The following NREP variants were observed in gnomAD, a reference collection of about 807,000 sequenced individuals.
NREP encodes the protein neuronal regeneration related protein.
Under a neutral mutation model 8.6 loss-of-function variants are expected in NREP, and 5 were observed. The observed-to-expected ratio is 0.58, with a 90% confidence interval of 0.30 to 1.22. NREP has a LOEUF of 1.22. Ranked by LOEUF, NREP falls within the 50% of genes most tolerant of loss-of-function variation. NREP has a pLI of 0.07. For synonymous variants in NREP, 27 were observed against 28.0 expected (o/e 0.96, Z 0.11); for missense variants, 86 against 82.5 (o/e 1.04, Z -0.17).
intron 2 of NREP, among the ~76,000 whole-genome samples, chr5:111,810,558 C>G (rs555551328): frequency 7.0e-4 from 107 of 152,300 alleles, no homozygotes; most frequent in African/African-American, 2.5e-3. Flanking sequence ...AAAAGCTTCA[C>G]ATAGATTCAT....
chr5:111,741,828 C>CAGAGACACACACACACACACAG (rs1554095254), intron 2 of NREP, among the ~76,000 whole-genome samples: 1 of 146,450 alleles, frequency 6.8e-6, no homozygotes, highest in Non-Finnish European at 1.5e-5. Context: ...CACACATACA[C>CAGAGACACACACACACACACAG]ACACACACAC....
In NREP at chr5:111,898,291, G is replaced by T. The variant is rs56822097; in HGVS notation, c.135+76983C>A. Reference sequence around the variant, plus strand: ...AGATAAAGATGAATTGGAGCAGGATGGTAATTCAGAGGTGGTAAAAAAATT... The same window carrying T: ...AGATAAAGATGAATTGGAGCAGGATTGTAATTCAGAGGTGGTAAAAAAATT... On this transcript the variant is annotated intron_variant, in intron 2 of 3. Transcript: ENST00000395634. Among the ~76,000 whole-genome samples, 1,252 of 152,152 alleles carry T rather than the reference G, an allele frequency of 8.2e-3. 11 individuals carry two copies. Among genetic ancestry groups the T allele is most frequent in the South Asian group, 0.026 (127 of 4,816 alleles).
At position 111,886,738 on chromosome 5, in the gene NREP, C is replaced by T. The variant is rs562655499; in HGVS notation, c.135+88536G>A. ...ATCGCAAGAACAAAAAACCAAACAC[C>T]GCATATTCTCACTCATAGGTGGGAA... On this transcript the variant is annotated intron_variant, in intron 2 of 3. Coordinates refer to the NREP transcript ENST00000395634. Among the ~76,000 whole-genome samples the T allele has an allele frequency of 7.3e-5, 11 of 150,710 alleles. No individual in the cohort carries two copies. In the East Asian group the frequency reaches 1.2e-3, roughly 16 times the overall value.
intron 2 of NREP, among the ~76,000 whole-genome samples, chr5:111,925,557 C>A (rs1201036722): frequency 1.3e-5 from 2 of 152,140 alleles, no homozygotes; most frequent in East Asian, 3.9e-4. Context: ...GGTCCTATTG[C>A]CTGTTTCTGT....
In NREP at chr5:111,730,094, T is replaced by C. The variant is rs1748415956; in HGVS notation, c.*827A>G. 6.6e-6 allele frequency: 1 copy of C among 152,430 alleles called. No individual in the cohort carries two copies. The highest frequency in any genetic ancestry group is 2.1e-4 in the South Asian group (1 of 4,804). The allele number at this position is 152,430 out of a possible 1,614,324, so 9.4% of individuals were successfully genotyped here. On this transcript the variant is annotated 3_prime_UTR_variant, in exon 4 of 4. Transcript: ENST00000257435. ...GAAAGGAAGAGATTTGGTAAGTAAA[T>C]TACAGTTTTGTGATTGCTCCCGCTA...
intron 2 of NREP, among the ~76,000 whole-genome samples, chr5:111,923,782 T>C (rs1339949286): frequency 1.3e-5 from 2 of 152,202 alleles, no homozygotes; most frequent in Non-Finnish European, 2.9e-5. Flanking sequence ...CTTTCTGACA[T>C]GTAAAGACTG....
intron 2 of NREP, among the ~76,000 whole-genome samples, chr5:111,963,060 G>A (rs866576918): frequency 6.6e-6 from 1 of 152,252 alleles, no homozygotes; most frequent in Non-Finnish European, 1.5e-5. Flanking sequence ...GTGGAGGGCA[G>A]CCGCCCTGCG....
Position 111,735,487 on chromosome 5 carries a change from A to G in NREP, c.24T>C (p.Phe8=), listed in dbSNP as rs1350638466. 18 of 1,612,736 alleles carry G rather than the reference A, an allele frequency of 1.1e-5. No homozygotes were observed. The highest frequency in any genetic ancestry group is 1.4e-5 in the Non-Finnish European group (16 of 1,179,008). Residue 8 remains phenylalanine, a synonymous_variant, in exon 3 of 4, where the codon TTT becomes TTC. Coordinates refer to ENST00000257435, the MANE Select transcript of NREP (RefSeq NM_004772.4). MVYYPEL[F]VWVSQEPFPN... ...GAAATGGTTCTTGACTGACCCAGAC[A>G]AAGAGTTCTGGGTAATAAACCTATA...
chr5:111,832,117 C>T (rs1752783282), intron 2 of NREP, among the ~76,000 whole-genome samples: 1 of 152,104 alleles, frequency 6.6e-6, no homozygotes, highest in South Asian at 2.1e-4. Context: ...AACATAAAAA[C>T]TTTGTGGCAG....
intron 2 of NREP, among the ~76,000 whole-genome samples, chr5:111,885,075 C>A (rs914292813): frequency 2.6e-5 from 4 of 152,042 alleles, no homozygotes; most frequent in African/African-American, 4.8e-5. Context: ...CCTAGAAAAC[C>A]CCATTGTCTC....
intron 2 of NREP, among the ~76,000 whole-genome samples, chr5:111,765,961 C>G (rs1164372665): frequency 6.6e-6 from 1 of 152,110 alleles, no homozygotes; most frequent in Non-Finnish European, 1.5e-5. Context: ...TGGTTTTGAA[C>G]CACACCATTT....
chr5:111,777,528 T>C (rs141032689), intron 2 of NREP, among the ~76,000 whole-genome samples: 2 of 152,200 alleles, frequency 1.3e-5, no homozygotes, highest in East Asian at 1.9e-4. Flanking sequence ...AAATGATACA[T>C]TGGGAATGTT....
chr5:111,754,012 G>C (rs1750545106), intron 2 of NREP, among the ~76,000 whole-genome samples: 2 of 152,132 alleles, frequency 1.3e-5, no homozygotes, highest in African/African-American at 2.4e-5. Context: ...GACAATAACT[G>C]TCAGTGGTTT....
chr5:111,758,087 A>C, upstream of NREP: 2 of 985,492 alleles, frequency 2.0e-6, no homozygotes, highest in African/African-American at 3.5e-5. Context: ...TCCGCGAAGG[A>C]TGCATTTGCA....
chr5:111,870,108 A>G (rs1487606611), intron 2 of NREP, among the ~76,000 whole-genome samples: 1 of 152,166 alleles, frequency 6.6e-6, no homozygotes. Context: ...TCCATGAACA[A>G]CTAAGGCTTT....
chr5:111,870,111 A>G lies in NREP; in HGVS notation c.135+105163T>C, dbSNP rs529803551. ...GCTCTTGATACCTCCATGAACAACT[A>G]AGGCTTTTTAGCATGACATGAATAA... On this transcript the variant is annotated intron_variant, in intron 2 of 3. Coordinates refer to the NREP transcript ENST00000395634. 3.9e-5 allele frequency among the ~76,000 whole-genome samples: 6 copies of G among 152,272 alleles called. No homozygotes were observed. In the South Asian group the frequency reaches 1.0e-3, roughly 26 times the overall value.
chr5:111,759,106 A>C (rs1293563777), upstream of NREP, among the ~76,000 whole-genome samples: 1 of 152,216 alleles, frequency 6.6e-6, no homozygotes, highest in Non-Finnish European at 1.5e-5. Flanking sequence ...GGTGTAAGGC[A>C]TAGGCTGGGT....
chr5:111,776,672 A>G (rs1370319005), intron 2 of NREP, among the ~76,000 whole-genome samples: 1 of 152,166 alleles, frequency 6.6e-6, no homozygotes, highest in East Asian at 1.9e-4. Context: ...ACACTACAAC[A>G]TGGAAAATCA....
At chr5:111,914,969 A>T (rs1025223938) in intron 2 of NREP, among the ~76,000 whole-genome samples, 1 of 152,088 alleles carries the variant, frequency 6.6e-6, no homozygotes, top group Admixed American at 6.6e-5. Flanking sequence ...ATGTCTATGC[A>T]TTAATACAAG....
Sources: allele counts gnomAD v4.1 joint callset (sites outside exome capture counted in the v4.1 genomes callset), GRCh38; gene constraint gnomAD v4.1.1; transcripts MANE v1.5; gene names NCBI Gene and HGNC (gene_info 2026-07-23, HGNC 2026-07-21).